NFATC2: variants seen among roughly 807,000 people sequenced by gnomAD.
NFATC2 encodes nuclear factor of activated T cells 2, also known as nuclear factor of activated T-cells, cytoplasmic 2.
Under a neutral mutation model 87.3 loss-of-function variants are expected in NFATC2, and 22 were observed. The observed-to-expected ratio is 0.25, with a 90% CI of 0.18 to 0.36. The LOEUF (loss-of-function observed/expected upper bound fraction) is 0.36, where lower values mean the gene tolerates loss of function less well. NFATC2 is among the 10% of genes least tolerant of loss of function. The pLI is 1.00. For missense variants in NFATC2, 1,149 were observed against 1,259.1 expected (o/e 0.91, Z 1.32); for synonymous variants, 565 against 542.2 (o/e 1.04, Z -0.58).
At chr20:51,511,763 C>T (rs897948131) in intron 3 of NFATC2, among the ~76,000 whole-genome samples, 3 of 152,222 alleles carry the variant, frequency 2.0e-5, no homozygotes, top group Admixed American at 6.5e-5. Context: ...ATCTCATCTC[C>T]CTGCTTCTTC....
rs560627364 is a variant in NFATC2 at position 51,477,009 on chromosome 20, A to G, written c.1333-1349T>C. Among the ~76,000 whole-genome samples the G allele has an allele frequency of 2.0e-5, 3 of 152,278 alleles. No individual in the cohort carries two copies. In the South Asian group the frequency reaches 6.2e-4, roughly 32 times the overall value. On this transcript the variant is annotated intron_variant, in intron 3 of 10. Coordinates refer to ENST00000371564, the MANE Select transcript of NFATC2 (RefSeq NM_012340.5). ...CAGCTTTAGTAAAACTACATAAATA[A>G]ACACTCTTTGACCCAGTAATTCCAC...
chr20:51,400,884 A>G (rs1987962355), intron 9 of NFATC2, among the ~76,000 whole-genome samples: 1 of 152,276 alleles, frequency 6.6e-6, no homozygotes, highest in Non-Finnish European at 1.5e-5. Context: ...CCCCAGCTCT[A>G]TGGGTACTAG....
In NFATC2 at chr20:51,388,184, A is replaced by T. The variant is rs1240556132; in HGVS notation, c.*3312T>A. On this transcript the variant is annotated 3_prime_UTR_variant, in exon 11 of 11. Coordinates refer to ENST00000371564, the MANE Select transcript of NFATC2 (RefSeq NM_012340.5). ...TGAACGTTGAGTTCTGTGAACATGA[A>T]TTCTTTTCGAATTCCATTACAATGC... The T allele has an allele frequency of 6.6e-6, 1 of 152,154 alleles. No individual in the cohort carries two copies. The highest frequency in any genetic ancestry group is 2.4e-5 in the African/African-American group (1 of 41,436). The allele number at this position is 152,154 out of a possible 1,614,324, so 9.4% of individuals were successfully genotyped here.
At chr20:51,476,980 G>A (rs1198724483) in intron 3 of NFATC2, among the ~76,000 whole-genome samples, 1 of 152,154 alleles carries the variant, frequency 6.6e-6, no homozygotes, top group Non-Finnish European at 1.5e-5. Flanking sequence ...GAGTATCAGA[G>A]CAACAGCTTT....
chr20:51,537,834 T>C (rs996583345), intron 1 of NFATC2, among the ~76,000 whole-genome samples: 1 of 152,216 alleles, frequency 6.6e-6, no homozygotes, highest in African/African-American at 2.4e-5. Flanking sequence ...TCTCCTCCAC[T>C]AGAAAGAAAA....
intron 3 of NFATC2, among the ~76,000 whole-genome samples, chr20:51,508,754 C>T (rs766810582): frequency 3.3e-5 from 5 of 152,122 alleles, no homozygotes; most frequent in Admixed American, 2.6e-4. Context: ...AGACAGATGC[C>T]ACCCCTCTTG....
At chr20:51,554,688 G>C (rs899995083) in intron 1 of NFATC2, among the ~76,000 whole-genome samples, 2 of 152,140 alleles carry the variant, frequency 1.3e-5, no homozygotes, top group Non-Finnish European at 2.9e-5. Flanking sequence ...GCAGGTTGTG[G>C]TGTGACTTGC....
chr20:51,416,370 C>T (rs929464661), intron 9 of NFATC2, among the ~76,000 whole-genome samples: 7 of 152,214 alleles, frequency 4.6e-5, no homozygotes, highest in Non-Finnish European at 8.8e-5. Context: ...GACCTGCCGG[C>T]TCTGCCTGGG....
At chr20:51,391,795 C>A (rs2146196643) in intron 10 of NFATC2, among the ~76,000 whole-genome samples, 1 of 152,288 alleles carries the variant, frequency 6.6e-6, no homozygotes, top group Admixed American at 6.5e-5. Flanking sequence ...GGATTACAGG[C>A]ATGAACCATT....
Position 51,553,675 on chromosome 20 carries a change from C to CAA in NFATC2, c.70+8883_70+8884dup, listed in dbSNP as rs35610887. 5.1e-3 allele frequency among the ~76,000 whole-genome samples: 534 copies of CAA among 104,646 alleles called. 14 individuals are homozygous for CAA. The East Asian group carries it at 0.053, about 10-fold the overall frequency. The allele number at this position is 104,646 out of a possible 152,430, so 68.7% of individuals were successfully genotyped here. On this transcript the variant is annotated intron_variant, in intron 1 of 10. Coordinates refer to the NFATC2 transcript ENST00000414705. ...TGGGCGACAGAGCAAGACTCCATCT[C>CAA]AAAAAAAAAAAAAAAAAAGAGGGAG...
At chr20:51,533,973 G>A (rs1449409180) in intron 1 of NFATC2, among the ~76,000 whole-genome samples, 3 of 152,190 alleles carry the variant, frequency 2.0e-5, no homozygotes, top group African/African-American at 7.2e-5. Flanking sequence ...TCTCTTGCTG[G>A]TTTCAAGCCA....
chr20:51,545,485 C>T (rs982843080), upstream of NFATC2, among the ~76,000 whole-genome samples: 4 of 152,208 alleles, frequency 2.6e-5, no homozygotes, highest in Admixed American at 2.0e-4. Context: ...GGGGCTATGA[C>T]CACCTCATTC....
intron 10 of NFATC2, among the ~76,000 whole-genome samples, chr20:51,391,956 A>T (rs1439343886): frequency 1.3e-5 from 2 of 152,176 alleles, no homozygotes; most frequent in African/African-American, 2.4e-5. Context: ...AAATTGCTCA[A>T]ATGGTAACTT....
intron 7 of NFATC2, 91 bp from the exon 8 acceptor site, chr20:51,435,405 T>A: frequency 6.4e-7 from 1 of 1,556,940 alleles, no homozygotes; most frequent in Non-Finnish European, 8.7e-7. Flanking sequence ...CACTGTCTAA[T>A]GGGTGTTTTG....
chr20:51,408,809 G>T (rs1978768392), intron 9 of NFATC2, among the ~76,000 whole-genome samples: 1 of 152,096 alleles, frequency 6.6e-6, no homozygotes, highest in Non-Finnish European at 1.5e-5. Context: ...GCTTTAAACT[G>T]GTGGGAACCT....
At chr20:51,391,574 G>T (rs533533332) in intron 10 of NFATC2, 123 bp from the exon 11 acceptor site, 2 of 1,046,814 alleles carry the variant, frequency 1.9e-6, no homozygotes, top group South Asian at 1.4e-5. Context: ...ACAAGGTCTT[G>T]CTCTGTCACC....
At chr20:51,483,576 C>T (rs1200217573) in intron 3 of NFATC2, among the ~76,000 whole-genome samples, 1 of 151,470 alleles carries the variant, frequency 6.6e-6, no homozygotes, top group Non-Finnish European at 1.5e-5. Context: ...GCAGCACGTA[C>T]CTGCCATCCT....
chr20:51,486,522 T>C (rs1037885828), intron 3 of NFATC2, among the ~76,000 whole-genome samples: 1 of 152,050 alleles, frequency 6.6e-6, no homozygotes, highest in African/African-American at 2.4e-5. Flanking sequence ...CATTCCACCA[T>C]GTCTTCCTGT....
chr20:51,529,827 A>C (rs1373042733), intron 1 of NFATC2, among the ~76,000 whole-genome samples: 1 of 152,174 alleles, frequency 6.6e-6, no homozygotes, highest in Non-Finnish European at 1.5e-5. Flanking sequence ...CATAAATAGA[A>C]GGTAGGGTAA....
Sources: allele counts gnomAD v4.1 joint callset (sites outside exome capture counted in the v4.1 genomes callset), GRCh38; gene constraint gnomAD v4.1.1; transcripts MANE v1.5; gene names NCBI Gene and HGNC (gene_info 2026-07-23, HGNC 2026-07-21).